Variants in CGGBP1 observed in about 807,000 individuals in gnomAD.
The protein encoded by CGGBP1 is CGG triplet repeat binding protein 1, also known as CGG triplet repeat-binding protein 1.
CGGBP1 carries 4 observed loss-of-function variants against 11.4 expected under a neutral mutation model. That is an observed-to-expected ratio of 0.35 (90% CI 0.17 to 0.80). The LOEUF (loss-of-function observed/expected upper bound fraction) is 0.80. Ranked by LOEUF, CGGBP1 falls within the 30% of genes least tolerant of loss-of-function variation. The probability of loss-of-function intolerance (pLI) is 0.52; values close to 1 mark genes in which losing one functional copy is unlikely to be tolerated. For missense variants in CGGBP1, 135 were observed against 202.1 expected (o/e 0.67, Z 2.01); for synonymous variants, 76 against 74.1 (o/e 1.03, Z -0.13).
At chr3:88,135,796 T>C (rs977254889) in intron 2 of CGGBP1, among the ~76,000 whole-genome samples, 10 of 152,068 alleles carry the variant, frequency 6.6e-5, no homozygotes, top group East Asian at 1.9e-4. Flanking sequence ...TTTTAGTTTT[T>C]CCCCCAAAAT....
chr3:88,055,235 G>A lies in CGGBP1; in HGVS notation c.*238C>T. On this transcript the variant is annotated 3_prime_UTR_variant, in exon 4 of 4. Transcript: ENST00000482016. The surrounding 1 kb of genome is among the most constrained non-coding windows in gnomAD (Gnocchi z 4.2). Reference sequence around the variant, plus strand: ...CATTAATTTTAAAGATAACCATCAGGTTTCAGGTATCCTAGCACACTCTAA... The same window carrying A: ...CATTAATTTTAAAGATAACCATCAGATTTCAGGTATCCTAGCACACTCTAA... 1 of 363,430 alleles carries A rather than the reference G, an allele frequency of 2.8e-6. No individual in the cohort carries two copies. Among genetic ancestry groups the A allele is most frequent in the East Asian group, 4.1e-5 (1 of 24,362 alleles). 22.5% of individuals were successfully genotyped at this position (363,430 alleles called of 1,614,324 possible). A position where few individuals can be genotyped will look rare whatever the true frequency, so the allele number is the denominator to read the frequency against.
intron 2 of CGGBP1, among the ~76,000 whole-genome samples, chr3:88,087,280 G>C (rs1445056759): frequency 1.3e-5 from 2 of 151,714 alleles, no homozygotes; most frequent in Non-Finnish European, 2.9e-5. Context: ...GTTTCACCGT[G>C]TTGGCCAGGC....
chr3:88,145,229 G>A (rs1322041590), intron 1 of CGGBP1, among the ~76,000 whole-genome samples: 1 of 152,042 alleles, frequency 6.6e-6, no homozygotes, highest in Non-Finnish European at 1.5e-5. Context: ...ACTAACAAAG[G>A]AAAACCGTCC....
At chr3:88,128,542 A>T (rs999328300) in intron 2 of CGGBP1, among the ~76,000 whole-genome samples, 165 of 151,842 alleles carry the variant, frequency 1.1e-3, no homozygotes, top group Admixed American at 3.1e-3. Flanking sequence ...AAGAAAAAAA[A>T]TTTTTTTTTA....
At chr3:88,059,429 G>C (rs1576165955), upstream of CGGBP1, 2 of 1,524,056 alleles carry the variant, frequency 1.3e-6, no homozygotes, top group African/African-American at 2.8e-5. Context: ...GGCGACGGCA[G>C]AGGCGGCGCT....
intron 2 of CGGBP1, among the ~76,000 whole-genome samples, chr3:88,116,993 A>T (rs569326073): frequency 7.2e-5 from 11 of 152,228 alleles, no homozygotes; most frequent in Admixed American, 2.0e-4. Flanking sequence ...GTTTAAAAAA[A>T]TTTTTTCTTA....
chr3:88,064,057 C>T (rs1392884766), intron 2 of CGGBP1, among the ~76,000 whole-genome samples: 3 of 150,372 alleles, frequency 2.0e-5, no homozygotes, highest in Non-Finnish European at 4.4e-5. Context: ...GCCTATGATT[C>T]TGTCAGTATG....
chr3:88,070,640 T>G (rs996052533), intron 2 of CGGBP1, among the ~76,000 whole-genome samples: 2 of 150,182 alleles, frequency 1.3e-5, no homozygotes, highest in Non-Finnish European at 2.9e-5. Flanking sequence ...CTGTGATTGC[T>G]TTCATGATAC....
chr3:88,130,365 CA>C (rs1243813973), intron 2 of CGGBP1, among the ~76,000 whole-genome samples: 1 of 152,104 alleles, frequency 6.6e-6, no homozygotes, highest in Non-Finnish European at 1.5e-5. Flanking sequence ...GGGCTATAAA[CA>C]TTTTTTTAAA....
intron 2 of CGGBP1, among the ~76,000 whole-genome samples, chr3:88,110,026 G>C (rs1211636451): frequency 1.3e-5 from 2 of 152,098 alleles, no homozygotes; most frequent in Admixed American, 1.3e-4. Context: ...AACCTCTGAA[G>C]ATCTTGTGTT....
chr3:88,059,237 A>G, upstream of CGGBP1: 1 of 1,519,726 alleles, frequency 6.6e-7, no homozygotes. Context: ...GGAGGGAACT[A>G]GAGAGGAGGA....
intron 2 of CGGBP1, among the ~76,000 whole-genome samples, chr3:88,069,957 T>C (rs770270290): frequency 1.3e-5 from 2 of 152,218 alleles, no homozygotes; most frequent in African/African-American, 2.4e-5. Flanking sequence ...CCAAATACAA[T>C]GGATGTGTTT....
In CGGBP1 at chr3:88,082,246, C is replaced by T. The variant is rs571722354; in HGVS notation, c.-228-24023G>A. ...GGTTCAAGTGATTCTCCTGCCTCAGCCTCCCAAGTAGCTAGGACTACAGGC... is the reference window on the plus strand; with the variant it reads ...GGTTCAAGTGATTCTCCTGCCTCAGTCTCCCAAGTAGCTAGGACTACAGGC... On this transcript the variant is annotated intron_variant, in intron 2 of 3. Transcript: ENST00000462901. Among the ~76,000 whole-genome samples, 33 of 152,150 alleles carry T rather than the reference C, an allele frequency of 2.2e-4. No homozygotes were observed. In the South Asian group the frequency reaches 3.9e-3, roughly 18 times the overall value.
At chr3:88,057,718 G>A (rs539742207) in intron 2 of CGGBP1, 6 of 152,150 alleles carry the variant, frequency 3.9e-5, no homozygotes, top group African/African-American at 1.2e-4. Flanking sequence ...AAAACAATAA[G>A]CATGTAATTC....
intron 1 of CGGBP1, chr3:88,143,692 C>CT (rs1294800510): frequency 2.0e-5 from 3 of 152,246 alleles, no homozygotes; most frequent in Non-Finnish European, 1.5e-5. Flanking sequence ...CATTTGTAAT[C>CT]TGTCTTTAAC....
chr3:88,143,429 C>A (rs1366815055), intron 1 of CGGBP1: 1 of 152,050 alleles, frequency 6.6e-6, no homozygotes, highest in African/African-American at 2.4e-5. Flanking sequence ...TCCTGTATTT[C>A]TTGATACTAA....
intron 2 of CGGBP1, among the ~76,000 whole-genome samples, chr3:88,082,578 G>C (rs181347246): frequency 6.6e-6 from 1 of 152,196 alleles, no homozygotes; most frequent in African/African-American, 2.4e-5. Context: ...AGAATAATAC[G>C]GACGTGAATA....
Position 88,095,313 on chromosome 3 carries a change from A to G in CGGBP1, c.-228-37090T>C, listed in dbSNP as rs546502982. 1.1e-4 allele frequency: 23 copies of G among 216,820 alleles called. No individual in the cohort carries two copies. The South Asian group carries it at 1.6e-3, about 15-fold the overall frequency. The allele number at this position is 216,820 out of a possible 1,614,324, so 13.4% of individuals were successfully genotyped here. A position where few individuals can be genotyped will look rare whatever the true frequency, so the allele number is the denominator to read the frequency against. On this transcript the variant is annotated intron_variant, in intron 2 of 3. Coordinates refer to the CGGBP1 transcript ENST00000462901. ...GCACAGTGATAAGCATATTTTATCA[A>G]GGATATGTTTAGGATAGAAAGGGGT...
intron 2 of CGGBP1, among the ~76,000 whole-genome samples, chr3:88,091,560 C>T (rs528239396): frequency 6.6e-6 from 1 of 152,092 alleles, no homozygotes; most frequent in Non-Finnish European, 1.5e-5. Context: ...CATTTATTGA[C>T]TTCTCTTGCA....
Sources: allele counts gnomAD v4.1 joint callset (sites outside exome capture counted in the v4.1 genomes callset), GRCh38; gene constraint gnomAD v4.1.1; non-coding constraint Gnocchi (gnomAD v3.1); transcripts MANE v1.5; gene names NCBI Gene and HGNC (gene_info 2026-07-23, HGNC 2026-07-21).